Variants in FAAH2 observed in about 807,000 individuals in gnomAD.
FAAH2 encodes the protein fatty acid amide hydrolase 2, also known as fatty-acid amide hydrolase 2.
FAAH2 carries 60 observed loss-of-function variants against 36.9 expected under a neutral mutation model. The ratio of observed to expected loss-of-function variants is 1.63; its 90% confidence interval spans 1.32 to 2.02. FAAH2 has a LOEUF of 2.02. Among genes scored for constraint, FAAH2 ranks in the 30% most tolerant of loss-of-function variants. The pLI is 0.00. For missense variants in FAAH2, 689 were observed against 397.5 expected, an observed-to-expected ratio of 1.73 and a Z score of -6.23; for synonymous variants, 214 against 143.8, an observed-to-expected ratio of 1.49 and a Z score of -3.49.
intron 5 of FAAH2, among the ~76,000 whole-genome samples, chrX:57,353,650 A>G (rs1183571946): frequency 9.0e-6 from 1 of 110,804 alleles, no homozygotes; most frequent in East Asian, 2.8e-4. Context: ...CAAAGATGTA[A>G]TCAACAGAGT....
chrX:57,317,127 A>G (rs1312500505), intron 3 of FAAH2, among the ~76,000 whole-genome samples: 2 of 111,855 alleles, frequency 1.8e-5, no homozygotes, highest in African/African-American at 6.5e-5. Context: ...GCCAACAAAT[A>G]TTTGAAAAAT....
intron 7 of FAAH2, among the ~76,000 whole-genome samples, chrX:57,431,639 G>A (rs1282143312): frequency 9.0e-6 from 1 of 110,780 alleles, no homozygotes; most frequent in Non-Finnish European, 1.9e-5. Context: ...GTGGGACAAG[G>A]GCAAGCAGAA....
At chrX:57,182,709 T>C in the FAAH2 span, among the ~76,000 whole-genome samples, 1 of 111,537 alleles carries the variant, frequency 9.0e-6, no homozygotes, top group Non-Finnish European at 1.9e-5. Flanking sequence ...TACAAAGGAA[T>C]ATCAATCGTT....
chrX:57,256,681 C>A, the FAAH2 span, among the ~76,000 whole-genome samples: 1 of 111,610 alleles, frequency 9.0e-6, no homozygotes, highest in Non-Finnish European at 1.9e-5. Flanking sequence ...CAACAAAAGC[C>A]AAAATTGACA....
At position 57,308,636 on chromosome X, in the gene FAAH2, A is replaced by T. The variant is rs1298642096; in HGVS notation, c.276-1957A>T. On this transcript the variant is annotated intron_variant, in intron 2 of 10. Transcript: ENST00000374900. The stretch of plus-strand genomic sequence containing the variant: ...TAACTGACTGTACAATATTTAAAGT[A>T]CTGCCCAATACCTGAAATATATCAT... Among the ~76,000 whole-genome samples, 3 of 111,903 alleles carry T rather than the reference A, an allele frequency of 2.7e-5. No homozygotes were observed. The East Asian group carries it at 8.3e-4, about 31-fold the overall frequency.
the FAAH2 span, among the ~76,000 whole-genome samples, chrX:57,264,401 C>A: frequency 1.8e-5 from 2 of 112,321 alleles, no homozygotes; most frequent in Non-Finnish European, 3.8e-5. Context: ...CAAAAGAAGA[C>A]GCATATGCGG....
At chrX:57,231,303 C>A in the FAAH2 span, among the ~76,000 whole-genome samples, 3 of 110,586 alleles carry the variant, frequency 2.7e-5, no homozygotes, top group Admixed American at 9.7e-5. Context: ...ATCTTCCTAG[C>A]ACAATGAAGT....
chrX:57,283,188 G>A (rs970196883), upstream of FAAH2, among the ~76,000 whole-genome samples: 2 of 112,031 alleles, frequency 1.8e-5, no homozygotes, highest in Non-Finnish European at 3.8e-5. Flanking sequence ...TTAAAGCACT[G>A]TGCGTCTTTG....
At chrX:57,219,253 G>A in the FAAH2 span, among the ~76,000 whole-genome samples, 1 of 111,507 alleles carries the variant, frequency 9.0e-6, no homozygotes, top group Non-Finnish European at 1.9e-5. Flanking sequence ...CATTAAGACA[G>A]CATGTTGCTC....
At position 57,378,778 on chromosome X, in the gene FAAH2, G is replaced by C. The variant is rs781385596; in HGVS notation, c.870G>C (p.Gly290=). 16 of 1,205,182 alleles carry C rather than the reference G, an allele frequency of 1.3e-5. No homozygotes were observed. The highest frequency in any genetic ancestry group is 1.8e-5 in the Non-Finnish European group (16 of 892,743). The part of the protein sequence containing the change: ...APMLKVMAGP[G]IKRLKLDTKV... The stretch of plus-strand genomic sequence containing the variant: ...TGTTGAAGGTCATGGCAGGACCTGG[G>C]ATCAAAAGGTATGTTCATTTATTTT... The change falls in exon 6 of 11, where the codon GGG becomes GGC. Residue 290 remains glycine, a synonymous_variant. Coordinates refer to ENST00000374900, the MANE Select transcript of FAAH2 (RefSeq NM_174912.4).
rs771260257 is a variant in FAAH2 at position 57,453,828 on chromosome X, C to T, written c.1423+5110C>T. Among the ~76,000 whole-genome samples the T allele has an allele frequency of 6.2e-5, 7 of 112,126 alleles. No homozygotes were observed. The East Asian group carries it at 8.5e-4, about 14-fold the overall frequency. On this transcript the variant is annotated intron_variant, in intron 10 of 10. Transcript: ENST00000374900. Reference sequence around the variant, plus strand: ...TGGTGGCCAAGCAAGGGTGAGCCCTCGTTCTCAGATCACTGAGAGAAGTGG... The same window carrying T: ...TGGTGGCCAAGCAAGGGTGAGCCCTTGTTCTCAGATCACTGAGAGAAGTGG...
At chrX:57,401,037 G>A (rs945473995) in intron 7 of FAAH2, among the ~76,000 whole-genome samples, 1 of 111,466 alleles carries the variant, frequency 9.0e-6, no homozygotes, top group Non-Finnish European at 1.9e-5. Context: ...GCAGAAGAAT[G>A]GTGTGAACCC....
At chrX:57,382,403 G>C (rs2054877359) in intron 7 of FAAH2, among the ~76,000 whole-genome samples, 1 of 111,090 alleles carries the variant, frequency 9.0e-6, no homozygotes, top group Non-Finnish European at 1.9e-5. Context: ...TTTTTGACAA[G>C]ATCAACAAAA....
intron 7 of FAAH2, among the ~76,000 whole-genome samples, chrX:57,385,768 C>T (rs1246411109): frequency 3.6e-5 from 4 of 110,762 alleles, no homozygotes; most frequent in Non-Finnish European, 5.7e-5. Context: ...ATTAGCCGGG[C>T]GCGGTGGCGG....
the FAAH2 span, among the ~76,000 whole-genome samples, chrX:57,228,734 T>C: frequency 8.9e-6 from 1 of 112,099 alleles, no homozygotes; most frequent in East Asian, 2.8e-4. Flanking sequence ...CCAGCTTTCC[T>C]GTCTGACACC....
chrX:57,455,999 A>G lies in FAAH2; in HGVS notation c.1423+7281A>G, dbSNP rs754713160. On this transcript the variant is annotated intron_variant, in intron 10 of 10. Coordinates refer to ENST00000374900, the MANE Select transcript of FAAH2 (RefSeq NM_174912.4). ...ACTCCACACAACAACCACAGAATAT[A>G]TATTTTTCTCATCCATACACAGAAC... Among the ~76,000 whole-genome samples, 4 of 111,839 alleles carry G rather than the reference A, an allele frequency of 3.6e-5. No individual in the cohort carries two copies. In the South Asian group the frequency reaches 1.5e-3, roughly 42 times the overall value.
At chrX:57,425,229 C>T (rs1403686216) in intron 7 of FAAH2, among the ~76,000 whole-genome samples, 1 of 111,418 alleles carries the variant, frequency 9.0e-6, no homozygotes, top group Non-Finnish European at 1.9e-5. Context: ...TATGTAAAAT[C>T]TCCAAACCTA....
the FAAH2 span, among the ~76,000 whole-genome samples, chrX:57,163,441 A>C: frequency 7.2e-5 from 8 of 111,498 alleles, no homozygotes; most frequent in Admixed American, 3.8e-4. Flanking sequence ...TGGGCAATGG[A>C]GGGCGCCCCT....
chrX:57,296,391 C>G (rs1029884743), intron 2 of FAAH2, among the ~76,000 whole-genome samples: 1 of 111,859 alleles, frequency 8.9e-6, no homozygotes, highest in African/African-American at 3.3e-5. Context: ...AGCTGAGGGT[C>G]CTGACTGTTA....
Sources: allele counts gnomAD v4.1 joint callset (sites outside exome capture counted in the v4.1 genomes callset), GRCh38; gene constraint gnomAD v4.1.1; transcripts MANE v1.5; gene names NCBI Gene and HGNC (gene_info 2026-07-23, HGNC 2026-07-21).